The following PCDH15 variants were observed in gnomAD, a reference collection of about 807,000 sequenced individuals.
The protein encoded by PCDH15 is protocadherin related 15, also known as protocadherin-15.
PCDH15 carries 129 observed loss-of-function variants against 178.5 expected under a neutral mutation model. The observed-to-expected ratio is 0.72, with a 90% CI of 0.63 to 0.84. The LOEUF (loss-of-function observed/expected upper bound fraction) is 0.84. PCDH15 is among the 40% of genes least tolerant of loss of function. PCDH15 has a pLI of 0.00. For missense variants in PCDH15, 2,230 were observed against 2,099.9 expected (o/e 1.06, Z -1.21); for synonymous variants, 800 against 732.0 (o/e 1.09, Z -1.50).
At chr10:53,865,836 G>A (rs566936411) in intron 27 of PCDH15, among the ~76,000 whole-genome samples, 1 of 152,246 alleles carries the variant, frequency 6.6e-6, no homozygotes, top group South Asian at 2.1e-4. Context: ...AATTTATGAT[G>A]TAAAGAACAA....
intron 8 of PCDH15, among the ~76,000 whole-genome samples, chr10:54,272,195 TC>T (rs1168562896): frequency 5.3e-5 from 8 of 151,630 alleles, no homozygotes; most frequent in African/African-American, 1.9e-4. Context: ...TGTCTACTGA[TC>T]CTGATGGCAT....
chr10:55,487,935 TAATC>T (rs34830430), intron 2 of PCDH15, among the ~76,000 whole-genome samples: 46,681 of 151,106 alleles, frequency 0.31, 7,303 homozygotes, highest in African/African-American at 0.37. Context: ...TTCAAAGTCA[TAATC>T]AATAAGATAT....
At chr10:53,810,992 G>C (rs1007187972) in intron 36 of PCDH15, among the ~76,000 whole-genome samples, 5 of 152,156 alleles carry the variant, frequency 3.3e-5, no homozygotes, top group African/African-American at 1.2e-4. Context: ...TAGATACTTT[G>C]GAACAGTGTA....
chr10:55,205,812 A>C (rs1840382977), intron 1 of PCDH15, among the ~76,000 whole-genome samples: 1 of 152,002 alleles, frequency 6.6e-6, no homozygotes, highest in African/African-American at 2.4e-5. Context: ...TGGGCAATTT[A>C]CAAAAGAAAG....
At chr10:55,219,473 T>C (rs1453597493) in intron 1 of PCDH15, among the ~76,000 whole-genome samples, 2 of 151,886 alleles carry the variant, frequency 1.3e-5, no homozygotes, top group Non-Finnish European at 2.9e-5. Context: ...ACTTTATTAT[T>C]GCTTTTTTCT....
At chr10:55,244,641 C>T (rs1564927061) in intron 1 of PCDH15, among the ~76,000 whole-genome samples, 1 of 151,936 alleles carries the variant, frequency 6.6e-6, no homozygotes. Context: ...TAGTTCCTCA[C>T]CTCCTGGTAT....
rs1340943766 is a variant in PCDH15, at chr10:54,066,788, T to G, written c.2189A>C (p.Glu730Ala). 1 of 1,613,562 alleles carries G rather than the reference T, an allele frequency of 6.2e-7. No homozygotes were observed. The highest frequency in any genetic ancestry group is 8.5e-7 in the Non-Finnish European group (1 of 1,179,652). ...TTGACCCACAAAGGCATTGGCTTCT[T>G]CTTCCACCACAGATAAATTTCTTGG... ...YLPRNLSVVE[E>A]EANAFVGQVK... is the part of the protein sequence containing the mutation. Residue 730 changes from glutamate to alanine, a missense_variant, in exon 18 of 38, where the codon GAA becomes GCA. Coordinates refer to ENST00000644397, the MANE Select transcript of PCDH15 (RefSeq NM_001384140.1).
At chr10:55,431,558 T>C (rs898964132) in intron 2 of PCDH15, among the ~76,000 whole-genome samples, 1 of 152,166 alleles carries the variant, frequency 6.6e-6, no homozygotes, top group Admixed American at 6.5e-5. Flanking sequence ...TAAAATTAAT[T>C]TGAAATTCTA....
intron 14 of PCDH15, among the ~76,000 whole-genome samples, chr10:54,150,841 G>A (rs1172903527): frequency 6.6e-6 from 1 of 151,910 alleles, no homozygotes; most frequent in Non-Finnish European, 1.5e-5. Context: ...AAAAAGAAAA[G>A]TACAGACTAA....
At chr10:55,480,139 T>C (rs938837087) in intron 2 of PCDH15, among the ~76,000 whole-genome samples, 1 of 151,624 alleles carries the variant, frequency 6.6e-6, no homozygotes, top group African/African-American at 2.4e-5. Context: ...TCATGGAATG[T>C]TTTTTGCTTC....
intron 1 of PCDH15, among the ~76,000 whole-genome samples, chr10:55,255,123 C>A (rs1258275839): frequency 6.6e-6 from 1 of 152,152 alleles, no homozygotes; most frequent in Non-Finnish European, 1.5e-5. Flanking sequence ...CCACAACAGG[C>A]CCCAGTGGGT....
At chr10:55,370,598 A>G (rs1323145925) in intron 2 of PCDH15, among the ~76,000 whole-genome samples, 1 of 152,140 alleles carries the variant, frequency 6.6e-6, no homozygotes, top group East Asian at 1.9e-4. Flanking sequence ...TCTGAAGTTC[A>G]GAGTCCTAAT....
intron 5 of PCDH15, among the ~76,000 whole-genome samples, chr10:54,368,191 G>A (rs1021401485): frequency 6.6e-6 from 1 of 151,818 alleles, no homozygotes; most frequent in African/African-American, 2.4e-5. Context: ...ATGAACACAA[G>A]AATGTTGAAA....
At chr10:55,617,389 T>A (rs1843501089) in intron 2 of PCDH15, among the ~76,000 whole-genome samples, 1 of 152,094 alleles carries the variant, frequency 6.6e-6, no homozygotes, top group Non-Finnish European at 1.5e-5. Context: ...AATAAAATAC[T>A]GTAAAATAAT....
At chr10:54,371,852 T>A (rs1344970942) in intron 4 of PCDH15, among the ~76,000 whole-genome samples, 1 of 151,920 alleles carries the variant, frequency 6.6e-6, no homozygotes, top group Non-Finnish European at 1.5e-5. Flanking sequence ...TTTTTTCACA[T>A]TTGTCTTTGT....
At chr10:54,793,930 T>C (rs1418358146) in intron 1 of PCDH15, among the ~76,000 whole-genome samples, 3 of 148,390 alleles carry the variant, frequency 2.0e-5, no homozygotes, top group East Asian at 3.9e-4. Context: ...GTTTACAAAG[T>C]TGTATAGGAA....
chr10:55,443,049 C>T (rs1039414516), intron 2 of PCDH15, among the ~76,000 whole-genome samples: 1 of 152,094 alleles, frequency 6.6e-6, no homozygotes, highest in African/African-American at 2.4e-5. Context: ...AAAGGATTCC[C>T]TATTTCATAA....
intron 9 of PCDH15, among the ~76,000 whole-genome samples, chr10:54,218,034 C>A (rs1391346736): frequency 1.3e-5 from 2 of 151,892 alleles, no homozygotes; most frequent in East Asian, 3.9e-4. Context: ...ACGAGTGTTG[C>A]AAAATAACGT....
chr10:54,479,156 C>T (rs2078506189), intron 3 of PCDH15, among the ~76,000 whole-genome samples: 1 of 151,930 alleles, frequency 6.6e-6, no homozygotes, highest in African/African-American at 2.4e-5. Flanking sequence ...GAAATGCCTT[C>T]TATATTAATA....
Sources: gnomAD v4.1 joint callset for allele counts (sites outside exome capture counted in the v4.1 genomes callset) on GRCh38, gnomAD v4.1.1 for gene constraint, MANE v1.5 for transcripts, NCBI Gene and HGNC (gene_info 2026-07-23, HGNC 2026-07-21) for gene names.